Variants in MPHOSPH6 observed in about 807,000 individuals in gnomAD.
The protein encoded by MPHOSPH6 is M-phase phosphoprotein 6.
Under a neutral mutation model 21.8 loss-of-function variants are expected in MPHOSPH6, and 25 were observed. The observed-to-expected ratio is 1.15, with a 90% CI of 0.83 to 1.60. The LOEUF is 1.60. Ranked by LOEUF, MPHOSPH6 falls within the 40% of genes most tolerant of loss-of-function variation. The probability of loss-of-function intolerance (pLI) is 0.00; values close to 1 mark genes in which losing one functional copy is unlikely to be tolerated. For missense variants in MPHOSPH6, 269 were observed against 181.8 expected (o/e 1.48, Z -2.76); for synonymous variants, 84 against 56.5 (o/e 1.49, Z -2.18).
At chr16:82,151,319 T>C (rs192192155) in intron 3 of MPHOSPH6, 105 bp downstream of exon 3, 2 of 1,453,810 alleles carry the variant, frequency 1.4e-6, no homozygotes, top group African/African-American at 1.4e-5. Context: ...ATTTTCTATA[T>C]AATGAGTAGA....
intron 2 of MPHOSPH6, among the ~76,000 whole-genome samples, chr16:82,153,588 T>C (rs970415497): frequency 6.6e-6 from 1 of 152,182 alleles, no homozygotes; most frequent in African/African-American, 2.4e-5. Flanking sequence ...GTGGCTGGAA[T>C]ATCTGGGTGA....
chr16:82,165,139 T>TTTTG (rs1906730641), intron 1 of MPHOSPH6, among the ~76,000 whole-genome samples: 1 of 131,362 alleles, frequency 7.6e-6, no homozygotes, highest in African/African-American at 2.9e-5. Context: ...TTTTATTTTT[T>TTTTG]TTTTTTGAGA....
rs1435285682 is a variant in MPHOSPH6 at position 82,170,131 on chromosome 16, G to C, written c.45C>G (p.Arg15=). The change falls in exon 1 of 5, where the codon CGC becomes CGG. Residue 15 remains arginine, a synonymous_variant. Coordinates refer to ENST00000258169, the MANE Select transcript of MPHOSPH6 (RefSeq NM_005792.2). Reference sequence around the variant, plus strand: ...GCTCTCAGCGTCCCCGCACCTTCATGCGCAGTAGATTCTTGGACAACCTTG... The same window carrying C: ...GCTCTCAGCGTCCCCGCACCTTCATCCGCAGTAGATTCTTGGACAACCTTG... The part of the protein sequence containing the change: ...RKTRLSKNLL[R]MKFMQRGLDS... 24 of 1,592,232 alleles carry C rather than the reference G, an allele frequency of 1.5e-5. No homozygotes were observed. The highest frequency in any genetic ancestry group is 1.9e-5 in the Non-Finnish European group (22 of 1,169,624).
chr16:82,161,910 T>C (rs1285000468), intron 2 of MPHOSPH6, among the ~76,000 whole-genome samples: 1 of 152,152 alleles, frequency 6.6e-6, no homozygotes, highest in Non-Finnish European at 1.5e-5. Context: ...ACGGCTGACA[T>C]TAAAAATGGG....
chr16:82,150,876 A>G (rs952152426), intron 3 of MPHOSPH6, among the ~76,000 whole-genome samples: 1 of 152,254 alleles, frequency 6.6e-6, no homozygotes, highest in Non-Finnish European at 1.5e-5. Context: ...TATGAGCCAG[A>G]GTTCTAATGA....
intron 2 of MPHOSPH6, among the ~76,000 whole-genome samples, chr16:82,156,756 C>A (rs1906440085): frequency 6.6e-6 from 1 of 152,158 alleles, no homozygotes; most frequent in Non-Finnish European, 1.5e-5. Flanking sequence ...GAATGTCATA[C>A]CAGCTTTATC....
chr16:82,160,810 C>A (rs1437199119), intron 2 of MPHOSPH6, among the ~76,000 whole-genome samples: 34 of 152,104 alleles, frequency 2.2e-4, no homozygotes, highest in Admixed American at 2.0e-3. Flanking sequence ...GACACTACTC[C>A]CAAAATATGG....
chr16:82,158,876 C>A (rs1906518981), intron 2 of MPHOSPH6, among the ~76,000 whole-genome samples: 1 of 152,190 alleles, frequency 6.6e-6, no homozygotes, highest in South Asian at 2.1e-4. Context: ...GATGAGTTAA[C>A]ACTGGGAAAA....
chr16:82,152,328 G>C (rs954856170), intron 2 of MPHOSPH6, among the ~76,000 whole-genome samples: 2 of 152,152 alleles, frequency 1.3e-5, no homozygotes, highest in Non-Finnish European at 2.9e-5. Context: ...AAATCCAGGA[G>C]AAGTAGTGGG....
chr16:82,165,241 C>A (rs1346522134), intron 1 of MPHOSPH6, among the ~76,000 whole-genome samples: 2 of 150,598 alleles, frequency 1.3e-5, no homozygotes, highest in Non-Finnish European at 2.9e-5. Flanking sequence ...GGTTCTCCTG[C>A]CTCAGCTTCT....
chr16:82,154,925 C>T (rs956963608), intron 2 of MPHOSPH6, among the ~76,000 whole-genome samples: 5 of 152,158 alleles, frequency 3.3e-5, no homozygotes, highest in African/African-American at 9.7e-5. Flanking sequence ...AATAACTCTA[C>T]AGTCTAATAT....
Position 82,148,723 on chromosome 16 carries a change from C to A in MPHOSPH6, c.*8G>T. On this transcript the variant is annotated 3_prime_UTR_variant, in exon 5 of 5. Transcript: ENST00000258169. Reference sequence around the variant, plus strand: ...AGCACCCCTGGGCCATCGCTTAAGGCATCCATCTTAATCCTGGGGCTTTAA... The same window carrying A: ...AGCACCCCTGGGCCATCGCTTAAGGAATCCATCTTAATCCTGGGGCTTTAA... 1 of 1,613,826 alleles carries A rather than the reference C, an allele frequency of 6.2e-7. No homozygotes were observed. Among genetic ancestry groups the A allele is most frequent in the South Asian group, 1.1e-5 (1 of 91,050 alleles).
intron 1 of MPHOSPH6, among the ~76,000 whole-genome samples, chr16:82,169,130 T>C (rs1422920918): frequency 6.6e-6 from 1 of 152,240 alleles, no homozygotes; most frequent in Admixed American, 6.5e-5. Context: ...TTTGCCATTT[T>C]CTTGATACTG....
chr16:82,150,525 C>T (rs1270723984), intron 3 of MPHOSPH6, among the ~76,000 whole-genome samples: 2 of 152,212 alleles, frequency 1.3e-5, no homozygotes, highest in Non-Finnish European at 2.9e-5. Flanking sequence ...TGGCAATTGG[C>T]TTAGTTAACT....
At chr16:82,157,534 T>C (rs1906466159) in intron 2 of MPHOSPH6, among the ~76,000 whole-genome samples, 1 of 152,216 alleles carries the variant, frequency 6.6e-6, no homozygotes, top group Non-Finnish European at 1.5e-5. Context: ...GATGGAAATG[T>C]TTCCTTGATA....
At chr16:82,148,888 G>A (rs554586703) in intron 4 of MPHOSPH6, 25 bp from the exon 5 acceptor site, 18 of 1,610,756 alleles carry the variant, frequency 1.1e-5, no homozygotes, top group African/African-American at 4.0e-5. Flanking sequence ...GGCAGCACAC[G>A]TTTAATTTCA....
At chr16:82,168,472 C>CTCCTTTT (rs1555541289) in intron 1 of MPHOSPH6, among the ~76,000 whole-genome samples, 1 of 48,020 alleles carries the variant, frequency 2.1e-5, no homozygotes. Flanking sequence ...TACTCTCTCT[C>CTCCTTTT]TTTTTTTTTT....
chr16:82,170,181 C>G lies in MPHOSPH6; in HGVS notation c.-6G>C, dbSNP rs2303260. On this transcript the variant is annotated 5_prime_UTR_variant, in exon 1 of 5. Coordinates refer to ENST00000258169, the MANE Select transcript of MPHOSPH6 (RefSeq NM_005792.2). ...GTCTTTCGCTCGGCCGCCATGGTAG[C>G]TTCCGCCCAGCGCCGCACTCCGGCC... The G allele has an allele frequency of 0.46, 720,497 of 1,557,412 alleles. 183,629 individuals are homozygous for G. The highest frequency in any genetic ancestry group is 0.53 in the Non-Finnish European group (600,713 of 1,142,940).
chr16:82,167,933 A>C (rs1223796850), intron 1 of MPHOSPH6, among the ~76,000 whole-genome samples: 5 of 152,176 alleles, frequency 3.3e-5, no homozygotes, highest in African/African-American at 9.7e-5. Context: ...AAGGCACCCT[A>C]AGTGCAGCTA....
Sources: allele counts gnomAD v4.1 joint callset (sites outside exome capture counted in the v4.1 genomes callset), GRCh38; gene constraint gnomAD v4.1.1; transcripts MANE v1.5; gene names NCBI Gene and HGNC (gene_info 2026-07-23, HGNC 2026-07-21).